Variants in TRAPPC9 observed in about 807,000 individuals in gnomAD.
TRAPPC9 encodes trafficking protein particle complex subunit 9.
TRAPPC9 carries 83 observed loss-of-function variants against 124.0 expected under a neutral mutation model. The ratio of observed to expected loss-of-function variants is 0.67; its 90% CI spans 0.56 to 0.80. TRAPPC9 has a LOEUF of 0.80. Ranked by LOEUF, TRAPPC9 falls within the 30% of genes least tolerant of loss-of-function variation. TRAPPC9 has a pLI of 0.00. For missense variants in TRAPPC9, 1,302 were observed against 1,508.3 expected (o/e 0.86, Z 2.27); for synonymous variants, 638 against 617.5 (o/e 1.03, Z -0.49).
At chr8:140,202,943 CA>C (rs2062828032) in intron 17 of TRAPPC9, among the ~76,000 whole-genome samples, 1 of 152,182 alleles carries the variant, frequency 6.6e-6, no homozygotes, top group Non-Finnish European at 1.5e-5. Context: ...TAGACAAATC[CA>C]AAAGGTAAGA....
chr8:139,875,637 G>A (rs570346693), intron 21 of TRAPPC9, among the ~76,000 whole-genome samples: 32 of 152,320 alleles, frequency 2.1e-4, no homozygotes, highest in African/African-American at 6.5e-4. Context: ...GCCACAAGCC[G>A]TCATGGTCCC....
Position 140,427,696 on chromosome 8 carries a change from G to C in TRAPPC9, c.860-1055C>G, listed in dbSNP as rs2070479179. Among the ~76,000 whole-genome samples, 7 of 152,018 alleles carry C rather than the reference G, an allele frequency of 4.6e-5. No homozygotes were observed. In the South Asian group the frequency reaches 1.4e-3, roughly 31 times the overall value. ...TAAACATGTTAAGAAGATTCAAAAAGGTATGTCCCAATAATCTTATGGAAA... is the reference window on the plus strand; with the variant it reads ...TAAACATGTTAAGAAGATTCAAAAACGTATGTCCCAATAATCTTATGGAAA... On this transcript the variant is annotated intron_variant, in intron 4 of 22. Transcript: ENST00000438773.
At chr8:140,265,331 T>G (rs533449102) in intron 15 of TRAPPC9, among the ~76,000 whole-genome samples, 2 of 152,242 alleles carry the variant, frequency 1.3e-5, no homozygotes, top group East Asian at 1.9e-4. Flanking sequence ...AGCTTAAGAG[T>G]GACGTATTCA....
At chr8:140,009,320 C>T (rs1838970028) in intron 18 of TRAPPC9, among the ~76,000 whole-genome samples, 4 of 152,228 alleles carry the variant, frequency 2.6e-5, no homozygotes, top group African/African-American at 9.6e-5. Context: ...CAAATGAGCA[C>T]TGGCCCAGCT....
chr8:140,134,031 A>G (rs2061250604), intron 17 of TRAPPC9, among the ~76,000 whole-genome samples: 1 of 152,204 alleles, frequency 6.6e-6, no homozygotes. Context: ...TTTTTCAGAA[A>G]TGGAAAAAAT....
rs2071434890 is a variant in TRAPPC9 at position 140,450,972 on chromosome 8, G to C, written c.402C>G (p.Phe134Leu). ...TCTGGCAGTCCTCGTAGTTGGGGTAGAAAGCCACGTCGGTGCGCGGCTGCT... is the reference window on the plus strand; with the variant it reads ...TCTGGCAGTCCTCGTAGTTGGGGTACAAAGCCACGTCGGTGCGCGGCTGCT... ...IVEQPRTDVA[F>L]YPNYEDCQTV... Residue 134 changes from phenylalanine (F) to leucine (L), a missense_variant, in exon 2 of 23, where the codon TTC becomes TTG. Around this residue, in one of 3 missense-constraint regions of TRAPPC9, gnomAD observed 657 missense variants for 811.2 expected, o/e 0.81. Coordinates refer to ENST00000438773, the MANE Select transcript of TRAPPC9 (RefSeq NM_001160372.4). 6.2e-7 allele frequency: 1 copy of C among 1,614,154 alleles called. No individual in the cohort carries two copies.
chr8:139,892,677 A>G (rs973885341), intron 20 of TRAPPC9, among the ~76,000 whole-genome samples: 1 of 152,192 alleles, frequency 6.6e-6, no homozygotes, highest in Non-Finnish European at 1.5e-5. Flanking sequence ...AGGTTGCCCC[A>G]GCCTGACCCA....
intron 21 of TRAPPC9, chr8:139,881,128 C>T (rs1829652619): frequency 3.9e-5 from 6 of 152,240 alleles, no homozygotes; most frequent in Admixed American, 3.9e-4. Flanking sequence ...CGACGTGGTG[C>T]TGCAGAAGGA....
chr8:140,066,331 C>T (rs1018834711), intron 17 of TRAPPC9, among the ~76,000 whole-genome samples: 26 of 152,126 alleles, frequency 1.7e-4, no homozygotes, highest in Non-Finnish European at 1.5e-5. Context: ...TTGTAAGCCC[C>T]GGGAGACCTG....
At chr8:140,284,185 G>A (rs889369385) in intron 13 of TRAPPC9, among the ~76,000 whole-genome samples, 164 bp from the exon 14 acceptor site, 15 of 152,124 alleles carry the variant, frequency 9.9e-5, no homozygotes, top group Admixed American at 5.2e-4. Flanking sequence ...TCAACCCCAC[G>A]ACCCTCACTG....
rs79647120 is a variant in TRAPPC9, at chr8:140,029,042, C to T, written c.2557-4963G>A. 1.4e-4 allele frequency among the ~76,000 whole-genome samples: 21 copies of T among 152,256 alleles called. No homozygotes were observed. The East Asian group carries it at 3.1e-3, about 22-fold the overall frequency. On this transcript the variant is annotated intron_variant, in intron 17 of 22. Coordinates refer to ENST00000438773, the MANE Select transcript of TRAPPC9 (RefSeq NM_001160372.4). ...CAACATCAGGAATGAGAATGATTAT[C>T]GGTACAGATCCTACAACCATTAAAA...
chr8:140,018,461 C>G (rs1219831073), intron 18 of TRAPPC9, among the ~76,000 whole-genome samples: 1 of 151,834 alleles, frequency 6.6e-6, no homozygotes, highest in Non-Finnish European at 1.5e-5. Flanking sequence ...GTGGCTGGGA[C>G]TACAGGTGCC....
At chr8:140,238,099 G>A (rs1463996605) in intron 16 of TRAPPC9, among the ~76,000 whole-genome samples, 2 of 152,134 alleles carry the variant, frequency 1.3e-5, no homozygotes, top group African/African-American at 4.8e-5. Context: ...TTGTCTCACG[G>A]TGAGTCACCG....
intron 20 of TRAPPC9, among the ~76,000 whole-genome samples, chr8:139,904,239 C>A (rs1009471620): frequency 3.3e-5 from 5 of 152,126 alleles, no homozygotes; most frequent in African/African-American, 1.2e-4. Flanking sequence ...GGGAGAAAAT[C>A]TGCAGAAAAA....
At chr8:139,798,293 T>A (rs780646870) in intron 21 of TRAPPC9, among the ~76,000 whole-genome samples, 1 of 152,278 alleles carries the variant, frequency 6.6e-6, no homozygotes, top group Non-Finnish European at 1.5e-5. Flanking sequence ...TTTCTTAATA[T>A]CATGTTTGGA....
rs577668381 is a variant in TRAPPC9 at position 139,796,268 on chromosome 8, GCCCT to G, written c.3056-64070_3056-64067del. 3.7e-3 allele frequency among the ~76,000 whole-genome samples: 570 copies of G among 152,310 alleles called. 3 individuals are homozygous for G. Among genetic ancestry groups the G allele is most frequent in the African/African-American group, 7.6e-3 (316 of 41,568 alleles). On this transcript the variant is annotated intron_variant, in intron 21 of 22. Transcript: ENST00000438773. ...ATATAACTCAGTCCATTTAAGCAGA[GCCCT>G]GCTCTGCCCTATCTGAGGGCCTAGG...
At chr8:140,397,836 A>G (rs1588281455) in intron 6 of TRAPPC9, 91 bp from the exon 7 acceptor site, 1 of 1,535,198 alleles carries the variant, frequency 6.5e-7, no homozygotes, top group Non-Finnish European at 8.9e-7. Flanking sequence ...CTCAATAACT[A>G]CAACAGCACT....
chr8:140,308,141 C>A lies in TRAPPC9; in HGVS notation c.1622+3107G>T, dbSNP rs113183631. Among the ~76,000 whole-genome samples, 371 of 152,018 alleles carry A rather than the reference C, an allele frequency of 2.4e-3. 2 individuals carry two copies. Among genetic ancestry groups the A allele is most frequent in the African/African-American group, 7.9e-3 (328 of 41,434 alleles). On this transcript the variant is annotated intron_variant, in intron 10 of 22. Transcript: ENST00000438773. Reference sequence around the variant, plus strand: ...GCATTCCAAGCCAGAGATAAAGCCTCAACGAAGGAACAAAACCGGCCACAC... The same window carrying A: ...GCATTCCAAGCCAGAGATAAAGCCTAAACGAAGGAACAAAACCGGCCACAC...
rs772314443 is a variant in TRAPPC9, at chr8:140,311,290, A to C, written c.1580T>G (p.Leu527Arg). ...GGTGAAGGGCACCGGTGGCAGGGTG[A>C]GGCCGCCAGGGAGGGCGATGGGCTC... Reference protein sequence around the residue: ...TMEPIALPGGLTLPPVPFTKL... With the variant: ...TMEPIALPGGRTLPPVPFTKL... Residue 527 changes from leucine (L) to arginine (R), a missense_variant, in exon 10 of 23, where the codon CTC becomes CGC. By Grantham distance (102) the Leu-to-Arg change is moderately radical (BLOSUM62 -2). Coordinates refer to ENST00000438773, the MANE Select transcript of TRAPPC9 (RefSeq NM_001160372.4). 1.2e-6 allele frequency: 2 copies of C among 1,613,482 alleles called. No homozygotes were observed. Among genetic ancestry groups the C allele is most frequent in the South Asian group, 2.2e-5 (2 of 91,086 alleles).
Sources: allele counts gnomAD v4.1 joint callset (sites outside exome capture counted in the v4.1 genomes callset), GRCh38; gene constraint gnomAD v4.1.1; regional missense constraint gnomAD v4.1.1; transcripts MANE v1.5; gene names NCBI Gene and HGNC (gene_info 2026-07-23, HGNC 2026-07-21).